ANKLE1: variants seen among roughly 807,000 people sequenced by gnomAD.
ANKLE1 encodes the protein ankyrin repeat and LEM domain containing 1.
A neutral mutation model predicts 56.2 loss-of-function variants in ANKLE1; 59 were observed. The ratio of observed to expected loss-of-function variants is 1.05; its 90% CI spans 0.85 to 1.30. The LOEUF is 1.30. Among genes scored for constraint, ANKLE1 ranks in the 50% most tolerant of loss-of-function variants. The probability of loss-of-function intolerance (pLI) is 0.00; values close to 1 mark genes in which losing one functional copy is unlikely to be tolerated. For missense variants in ANKLE1, 771 were observed against 816.1 expected, an observed-to-expected ratio of 0.94 and a Z score of 0.67; for synonymous variants, 341 against 352.9, an observed-to-expected ratio of 0.97 and a Z score of 0.38.
chr19:17,283,250 T>A lies in ANKLE1; in HGVS notation c.486T>A (p.Asp162Glu). The change falls in exon 5 of 9, where the codon GAT becomes GAA. Residue 162 changes from aspartate to glutamate, a missense_variant. By Grantham distance (45) the Asp-to-Glu change is conservative. Coordinates refer to ENST00000404085, the MANE Select transcript of ANKLE1 (RefSeq NM_152363.6). ...CCCCAGGCCTCTCTGGACCTACCGA[T>A]GAGACGCTGGACTCCATAGCACTCC... The part of the protein sequence containing the change: ...PGTPGLSGPT[D>E]ETLDSIALQK... 1 of 1,612,222 alleles carries A rather than the reference T, an allele frequency of 6.2e-7. No homozygotes were observed. The highest frequency in any genetic ancestry group is 1.1e-5 in the South Asian group (1 of 91,052).
At position 17,281,905 on chromosome 19, in the gene ANKLE1, C is replaced by T. The variant is rs930363038; in HGVS notation, c.-16C>T. ...AATCGACCGACCAGGCGGTGCGCTT[C>T]GGACCCAGCCAGGGCATGTGCTCGG... is the stretch of plus-strand genomic sequence containing the variant. On this transcript the variant is annotated 5_prime_UTR_variant, in exon 1 of 9. Coordinates refer to ENST00000404085, the MANE Select transcript of ANKLE1 (RefSeq NM_152363.6). The T allele has an allele frequency of 6.5e-7, 1 of 1,535,198 alleles. No individual in the cohort carries two copies. Among genetic ancestry groups the T allele is most frequent in the Non-Finnish European group, 8.7e-7 (1 of 1,146,316 alleles).
chr19:17,282,808 G>A (rs2073988136), intron 3 of ANKLE1, 47 bp downstream of exon 3: 1 of 1,579,302 alleles, frequency 6.3e-7, no homozygotes, highest in Non-Finnish European at 8.6e-7. Flanking sequence ...GAGCCCAGAG[G>A]GAGGGAAGGA....
chr19:17,281,961 C>A lies in ANKLE1; in HGVS notation c.41C>A (p.Ala14Glu). The A allele has an allele frequency of 2.0e-6, 3 of 1,533,738 alleles. No homozygotes were observed. Among genetic ancestry groups the A allele is most frequent in the Non-Finnish European group, 2.6e-6 (3 of 1,145,206 alleles). ...CGCCTGGCTCGCAGGTTGCGGGATG[C>A]GCTGCGGGAGGAGGAGCCGTGGTGA... is the stretch of plus-strand genomic sequence containing the variant. ...EARLARRLRD[A>E]LREEEPWAVE... Residue 14 changes from alanine (A) to glutamate (E), a missense_variant, in exon 1 of 9, where the codon GCG (alanine) becomes GAG (glutamate). Ala to Glu is a moderately radical substitution (Grantham distance 107). Coordinates refer to ENST00000404085, the MANE Select transcript of ANKLE1 (RefSeq NM_152363.6).
At position 17,283,474 on chromosome 19, in the gene ANKLE1, CT is replaced by C. The variant is rs764620153; in HGVS notation, c.711del (p.Trp240GlyfsTer32). ...VSGAEDPASD[T>X]PPWAGSLPPT... ...GGAGCTGAGGACCCAGCCTCGGACA[CT>C]CCCCCCTGGGCTGGGTCATTGCCAC... On this transcript the variant is annotated frameshift_variant, in exon 5 of 9. Transcript: ENST00000404085. LOFTEE classifies it high-confidence loss of function. The C allele has an allele frequency of 6.2e-7, 1 of 1,612,956 alleles. No individual in the cohort carries two copies. The highest frequency in any genetic ancestry group is 1.7e-5 in the Admixed American group (1 of 60,012).
chr19:17,285,534 C>A lies in ANKLE1; in HGVS notation c.1480C>A (p.Arg494=), dbSNP rs149727291. The change falls in exon 7 of 9, where the codon CGG becomes AGG. Residue 494 remains arginine (R), a synonymous_variant. Coordinates refer to ENST00000404085, the MANE Select transcript of ANKLE1 (RefSeq NM_152363.6). ...CTACGTGGGCAAAGGGACGAGGGCC[C>A]GGCCATATGTCCACCTCTGGGAGGC... ...IFYVGKGTRA[R]PYVHLWEALG... The A allele has an allele frequency of 3.7e-6, 6 of 1,613,798 alleles. No homozygotes were observed. Among genetic ancestry groups the A allele is most frequent in the Non-Finnish European group, 5.1e-6 (6 of 1,179,898 alleles).
Position 17,284,684 on chromosome 19 carries a change from CT to C in ANKLE1, c.1376+437del, listed in dbSNP as rs67967763. 2.8e-3 allele frequency among the ~76,000 whole-genome samples: 261 copies of C among 91,926 alleles called. 1 individual carries two copies. The highest frequency in any genetic ancestry group is 9.7e-3 in the African/African-American group (224 of 23,140). 60.3% of individuals were successfully genotyped at this position (91,926 alleles called of 152,430 possible). A position where few individuals can be genotyped will look rare whatever the true frequency, so the allele number is the denominator to read the frequency against. ...CAGGTGTGAGCCACCGCACCGGCCT[CT>C]TTTTTTTTTTTTTTTTTTGAGGCGG... On this transcript the variant is annotated intron_variant, in intron 6 of 8. Coordinates refer to ENST00000404085, the MANE Select transcript of ANKLE1 (RefSeq NM_152363.6).
rs747524943 is a variant in ANKLE1 at position 17,285,695 on chromosome 19, C to T, written c.1551C>T (p.Cys517=). The change falls in exon 8 of 9, where the codon TGC becomes TGT. Residue 517 remains cysteine (C), a synonymous_variant. Coordinates refer to ENST00000404085, the MANE Select transcript of ANKLE1 (RefSeq NM_152363.6). ...TTCTGCCCTAGCCCCACCAGGCCTG[C>T]CCCAAGGTGCGTCAGATCTTGGACA... ...GRSRKQPHQA[C]PKVRQILDIW... 13 of 1,613,804 alleles carry T rather than the reference C, an allele frequency of 8.1e-6. No homozygotes were observed. The highest frequency in any genetic ancestry group is 1.3e-5 in the African/African-American group (1 of 74,906).
At position 17,282,061 on chromosome 19, in the gene ANKLE1, G is replaced by A; in HGVS notation, c.67G>A (p.Val23Ile). 6.5e-7 allele frequency: 1 copy of A among 1,539,054 alleles called. No individual in the cohort carries two copies. The highest frequency in any genetic ancestry group is 8.7e-7 in the Non-Finnish European group (1 of 1,146,638). Residue 23 changes from valine to isoleucine, a missense_variant, in exon 2 of 9, where the codon GTA becomes ATA. By Grantham distance (29) the Val-to-Ile change is conservative. Coordinates refer to ENST00000404085, the MANE Select transcript of ANKLE1 (RefSeq NM_152363.6). ...DALREEEPWA[V>I]EELLRCGADP... ...CTCTGACCGCGGTGTTTGCAGGGCAGTAGAGGAGCTGCTGCGCTGCGGCGC... is the reference window on the plus strand; with the variant it reads ...CTCTGACCGCGGTGTTTGCAGGGCAATAGAGGAGCTGCTGCGCTGCGGCGC...
rs1599508943 is a variant in ANKLE1 at position 17,282,895 on chromosome 19, A to T, written c.353A>T (p.Gln118Leu). 1.9e-6 allele frequency: 3 copies of T among 1,579,112 alleles called. No individual in the cohort carries two copies. Residue 118 changes from glutamine (Q) to leucine (L), a missense_variant, in exon 4 of 9, where the codon CAG becomes CTG. Gln to Leu is a moderately radical substitution (Grantham distance 113). Coordinates refer to ENST00000404085, the MANE Select transcript of ANKLE1 (RefSeq NM_152363.6). ...DGLRPLDLAL[Q>L]QGHLECARVL... Reference sequence around the variant, plus strand: ...CTCCGGCCGCTGGACCTGGCCCTGCAGCAGGGACACCTGGAGTGCGCGCGA... The same window carrying T: ...CTCCGGCCGCTGGACCTGGCCCTGCTGCAGGGACACCTGGAGTGCGCGCGA...
chr19:17,286,257 T>C, intron 8 of ANKLE1, 123 bp from the exon 9 acceptor site: 1 of 1,304,532 alleles, frequency 7.7e-7, no homozygotes, highest in South Asian at 1.7e-5. Context: ...TCATGTGATC[T>C]ACCCAAAGTG....
intron 2 of ANKLE1, 139 bp downstream of exon 2, chr19:17,282,348 G>A (rs2145634914): frequency 7.7e-7 from 1 of 1,294,576 alleles, no homozygotes; most frequent in Non-Finnish European, 1.0e-6. Context: ...GAACTTGGGG[G>A]TCCAAGGGCA....
At position 17,283,629 on chromosome 19, in the gene ANKLE1, C is replaced by T; in HGVS notation, c.865C>T (p.Gln289Ter). Residue 289 changes from glutamine (Q) to a stop codon, truncating the protein, a stop_gained, in exon 5 of 9, where the codon CAG becomes TAG. Coordinates refer to ENST00000404085, the MANE Select transcript of ANKLE1 (RefSeq NM_152363.6). LOFTEE classifies it high-confidence loss of function. Reference sequence around the variant, plus strand: ...GACCCCACCAAATGCTGCTGGCTTCCAGTCCTCCCCTTCCTCCATGCCTCT... The same window carrying T: ...GACCCCACCAAATGCTGCTGGCTTCTAGTCCTCCCCTTCCTCCATGCCTCT... ...TLTPPNAAGFQSSPSSMPLLD... is the reference protein window; with the variant it reads ...TLTPPNAAGF 1.9e-6 allele frequency: 3 copies of T among 1,612,368 alleles called. No homozygotes were observed. The highest frequency in any genetic ancestry group is 2.5e-6 in the Non-Finnish European group (3 of 1,179,124).
Position 17,283,937 on chromosome 19 carries a change from G to A in ANKLE1, c.1173G>A (p.Gln391=), listed in dbSNP as rs2074004627. The change falls in exon 5 of 9, where the codon CAG becomes CAA. Residue 391 remains glutamine (Q), a synonymous_variant. Transcript: ENST00000404085. ...TCACCAGGCAGTTGTACCACCAGCA[G>A]CTGGAAGAAGCCCAGATTGCTCCTG... ...TPFTRQLYHQ[Q]LEEAQIAPGP... The A allele has an allele frequency of 1.2e-6, 2 of 1,607,612 alleles. No individual in the cohort carries two copies. Among genetic ancestry groups the A allele is most frequent in the Non-Finnish European group, 1.7e-6 (2 of 1,175,386 alleles).
Position 17,282,779 on chromosome 19 carries a change from G to A in ANKLE1, c.321+18G>A, listed in dbSNP as rs778854984. The A allele has an allele frequency of 2.6e-6, 4 of 1,559,226 alleles. No individual in the cohort carries two copies. Among genetic ancestry groups the A allele is most frequent in the Non-Finnish European group, 1.7e-6 (2 of 1,159,782 alleles). On this transcript the variant is annotated intron_variant, in intron 3 of 8. Transcript: ENST00000404085. Reference sequence around the variant, plus strand: ...GCGACCAGGTTGGGAGGCACTGCGCGGGCAAAGAAAGGCTGGGTGAGCCCA... The same window carrying A: ...GCGACCAGGTTGGGAGGCACTGCGCAGGCAAAGAAAGGCTGGGTGAGCCCA...
chr19:17,286,539 A>G lies in ANKLE1; in HGVS notation c.1835A>G (p.Gln612Arg). 1.2e-6 allele frequency: 2 copies of G among 1,607,160 alleles called. No homozygotes were observed. Among genetic ancestry groups the G allele is most frequent in the Non-Finnish European group, 1.7e-6 (2 of 1,177,356 alleles). ...CGACAGCTTCATCCCCAGGACATCCAGGCCCGGGGCTGAGTGCTGGGGAGT... is the reference window on the plus strand; with the variant it reads ...CGACAGCTTCATCCCCAGGACATCCGGGCCCGGGGCTGAGTGCTGGGGAGT... ...GERQLHPQDI[Q>R]ARG Residue 612 changes from glutamine to arginine, a missense_variant, in exon 9 of 9, where the codon CAG becomes CGG. Gln to Arg is a conservative substitution (Grantham distance 43, BLOSUM62 1). Coordinates refer to ENST00000404085, the MANE Select transcript of ANKLE1 (RefSeq NM_152363.6).
chr19:17,283,079 C>A, intron 4 of ANKLE1, 77 bp downstream of exon 4: 1 of 1,536,754 alleles, frequency 6.5e-7, no homozygotes, highest in South Asian at 1.2e-5. Context: ...CCCACCCCAC[C>A]CATTGGTTCT....
In ANKLE1 at chr19:17,281,955, G is replaced by T; in HGVS notation, c.35G>T (p.Arg12Leu). The T allele has an allele frequency of 6.5e-7, 1 of 1,534,324 alleles. No homozygotes were observed. The highest frequency in any genetic ancestry group is 1.4e-5 in the African/African-American group (1 of 73,014). The change falls in exon 1 of 9, where the codon CGG becomes CTG. Residue 12 changes from arginine (R) to leucine (L), a missense_variant. By Grantham distance (102) the Arg-to-Leu change is moderately radical (BLOSUM62 -2). Transcript: ENST00000404085. ...GAGGCCCGCCTGGCTCGCAGGTTGC[G>T]GGATGCGCTGCGGGAGGAGGAGCCG... ...CSEARLARRL[R>L]DALREEEPWA...
At position 17,286,668 on chromosome 19, in the gene ANKLE1, G is replaced by GTGTGTT. The variant is rs1568343688; in HGVS notation, c.*121_*122insTTGTGT. 2.9e-5 allele frequency: 37 copies of GTGTGTT among 1,255,870 alleles called. No homozygotes were observed. The highest frequency in any genetic ancestry group is 4.2e-5 in the African/African-American group (2 of 47,882). The allele number at this position is 1,255,870 out of a possible 1,614,324, so 77.8% of individuals were successfully genotyped here. On this transcript the variant is annotated 3_prime_UTR_variant, in exon 9 of 9. Coordinates refer to ENST00000404085, the MANE Select transcript of ANKLE1 (RefSeq NM_152363.6). The stretch of plus-strand genomic sequence containing the variant: ...AAGGGGTGTGTGTGTGTGTGTGTGT[G>GTGTGTT]TGTGTGTGTGTGTGTGTGTGTGTTT...
Position 17,283,656 on chromosome 19 carries a change from C to T in ANKLE1, c.892C>T (p.Leu298=). The T allele has an allele frequency of 6.2e-7, 1 of 1,613,528 alleles. No homozygotes were observed. The highest frequency in any genetic ancestry group is 8.5e-7 in the Non-Finnish European group (1 of 1,179,852). ...GTCCTCCCCTTCCTCCATGCCTCTC[C>T]TGGACAGGAGTCCAGCTCATAGCCC... ...FQSSPSSMPL[L]DRSPAHSPPR... Residue 298 remains leucine, a synonymous_variant, in exon 5 of 9, where the codon CTG becomes TTG. Transcript: ENST00000404085.
Sources: gnomAD v4.1 joint callset for allele counts (sites outside exome capture counted in the v4.1 genomes callset) on GRCh38, gnomAD v4.1.1 for gene constraint, MANE v1.5 for transcripts, NCBI Gene and HGNC (gene_info 2026-07-23, HGNC 2026-07-21) for gene names.